Variants in FAM228B observed in about 807,000 individuals in gnomAD.
The protein encoded by FAM228B is family with sequence similarity 228 member B.
Under a neutral mutation model 42.6 loss-of-function variants are expected in FAM228B, and 38 were observed. The observed-to-expected ratio is 0.89, with a 90% CI of 0.69 to 1.17. The LOEUF (loss-of-function observed/expected upper bound fraction) is 1.17. FAM228B is among the 50% of genes most tolerant of loss of function. The probability of loss-of-function intolerance (pLI) is 0.00; values close to 1 mark genes in which losing one functional copy is unlikely to be tolerated. For synonymous variants in FAM228B, 109 were observed against 122.3 expected (o/e 0.89, Z 0.72); for missense variants, 344 against 367.3 (o/e 0.94, Z 0.52).
intron 5 of FAM228B, among the ~76,000 whole-genome samples, chr2:24,139,934 G>A (rs925853735): frequency 2.6e-5 from 4 of 152,000 alleles, no homozygotes; most frequent in African/African-American, 9.7e-5. Context: ...TCCCTCAATA[G>A]TTTATTATTT....
At chr2:24,104,365 C>G (rs1665665563) in intron 3 of FAM228B, among the ~76,000 whole-genome samples, 1 of 152,224 alleles carries the variant, frequency 6.6e-6, no homozygotes, top group South Asian at 2.1e-4. Flanking sequence ...AGCCTTGGGC[C>G]CTGGGGCAGA....
Position 24,080,765 on chromosome 2 carries a change from C to A in FAM228B, c.-289-111C>A, listed in dbSNP as rs776697223. 2 of 1,606,926 alleles carry A rather than the reference C, an allele frequency of 1.2e-6. No individual in the cohort carries two copies. Among genetic ancestry groups the A allele is most frequent in the African/African-American group, 1.3e-5 (1 of 74,592 alleles). On this transcript the variant is annotated intron_variant, in intron 1 of 10. Coordinates refer to the FAM228B transcript ENST00000613899. This position sits in a 1 kb window ranked among gnomAD's most constrained non-coding sequence, Gnocchi z 4.7. ...ACTGGCAACTTTGAGACTGGTGGGG[C>A]TTTTATTTAATCATCTCTTAAATTC...
intron 3 of FAM228B, among the ~76,000 whole-genome samples, chr2:24,104,276 C>CA (rs922569041): frequency 1.2e-4 from 19 of 152,198 alleles, no homozygotes; most frequent in African/African-American, 4.3e-4. Flanking sequence ...CACACCCACC[C>CA]ATCGTGTTTC....
intron 2 of FAM228B, among the ~76,000 whole-genome samples, chr2:24,130,692 A>G (rs1047753156): frequency 1.3e-5 from 2 of 151,544 alleles, no homozygotes; most frequent in Non-Finnish European, 2.9e-5. Flanking sequence ...TAGGTTCTGG[A>G]TATTAGAGCT....
intron 5 of FAM228B, among the ~76,000 whole-genome samples, chr2:24,140,220 A>C (rs1666711415): frequency 6.6e-6 from 1 of 152,194 alleles, no homozygotes; most frequent in South Asian, 2.1e-4. Flanking sequence ...TCTGTCACCC[A>C]GGCTGGAGTG....
intron 7 of FAM228B, among the ~76,000 whole-genome samples, chr2:24,160,130 C>A (rs1484074072): frequency 6.6e-6 from 1 of 151,974 alleles, no homozygotes; most frequent in Non-Finnish European, 1.5e-5. Context: ...GATGGGACTA[C>A]AGGCATGCAC....
chr2:24,121,174 A>G (rs1166467274), upstream of FAM228B: 1 of 1,613,992 alleles, frequency 6.2e-7, no homozygotes, highest in Non-Finnish European at 8.5e-7. Flanking sequence ...TTTTTGGCAT[A>G]AAGAGAATAT....
intron 3 of FAM228B, among the ~76,000 whole-genome samples, chr2:24,137,331 G>A (rs903495934): frequency 1.3e-5 from 2 of 152,084 alleles, no homozygotes; most frequent in Non-Finnish European, 2.9e-5. Context: ...TGGTAGGTCT[G>A]TTTAAATTTC....
chr2:24,160,227 C>A (rs1011172695), intron 7 of FAM228B, among the ~76,000 whole-genome samples: 1 of 152,020 alleles, frequency 6.6e-6, no homozygotes, highest in Admixed American at 6.6e-5. Flanking sequence ...TGGACTCAAG[C>A]AGTTTACCCA....
At chr2:24,123,907 C>A (rs1309644564) in intron 1 of FAM228B, among the ~76,000 whole-genome samples, 4 of 152,200 alleles carry the variant, frequency 2.6e-5, no homozygotes, top group Non-Finnish European at 4.4e-5. Flanking sequence ...AGCTCGAAGA[C>A]TCGCGCAGTA....
chr2:24,146,649 C>G (rs1558390053), intron 5 of FAM228B, 99 bp from the exon 6 acceptor site: 1 of 690,584 alleles, frequency 1.4e-6, no homozygotes, highest in Non-Finnish European at 2.4e-6. Flanking sequence ...TTTACCCTCC[C>G]GGCATAAGAG....
At position 24,112,026 on chromosome 2, in the gene FAM228B, A is replaced by G. The variant is rs140160125; in HGVS notation, c.-121+16797A>G. ...TCAGAGATACAAAGAATTATGTAAAAGTTCTAAACTGTAATATTACTTACA... is the reference window on the plus strand; with the variant it reads ...TCAGAGATACAAAGAATTATGTAAAGGTTCTAAACTGTAATATTACTTACA... On this transcript the variant is annotated intron_variant, in intron 3 of 10. Transcript: ENST00000613899. Among the ~76,000 whole-genome samples, 473 of 152,366 alleles carry G rather than the reference A, an allele frequency of 3.1e-3. 1 individual carries two copies. The highest frequency in any genetic ancestry group is 5.3e-3 in the Non-Finnish European group (361 of 68,034).
chr2:24,129,145 T>G (rs1666385367), intron 2 of FAM228B, among the ~76,000 whole-genome samples: 1 of 152,094 alleles, frequency 6.6e-6, no homozygotes, highest in South Asian at 2.1e-4. Flanking sequence ...CCTCTAGTAC[T>G]CTAACCTATG....
chr2:24,109,324 A>T, intron 3 of FAM228B, among the ~76,000 whole-genome samples: 1 of 152,192 alleles, frequency 6.6e-6, no homozygotes, highest in Non-Finnish European at 1.5e-5. Context: ...TATGTGTAAA[A>T]ACTCAAACTA....
At chr2:24,148,186 A>C (rs150970445) in intron 7 of FAM228B, among the ~76,000 whole-genome samples, 74 of 152,238 alleles carry the variant, frequency 4.9e-4, no homozygotes, top group African/African-American at 1.8e-3. Flanking sequence ...GTGGGGTGCC[A>C]GAGGGATTTT....
chr2:24,090,064 G>A (rs1020159165), intron 2 of FAM228B, among the ~76,000 whole-genome samples: 1 of 151,398 alleles, frequency 6.6e-6, no homozygotes, highest in Non-Finnish European at 1.5e-5. Context: ...ACGAGGTCAG[G>A]AGATGGAGAC....
At position 24,084,296 on chromosome 2, in the gene FAM228B, C is replaced by T; in HGVS notation, c.-210+3341C>T. 1 of 1,614,128 alleles carries T rather than the reference C, an allele frequency of 6.2e-7. No homozygotes were observed. The highest frequency in any genetic ancestry group is 2.2e-5 in the East Asian group (1 of 44,882). ...TCCTTCACGTAGAGGTTTTCCGGTC[C>T]TCCCGGCTTGTCAAAGTGCACGGCT... On this transcript the variant is annotated intron_variant, in intron 2 of 10. Transcript: ENST00000613899. This position sits in a 1 kb window ranked among gnomAD's most constrained non-coding sequence, Gnocchi z 8.4.
intron 3 of FAM228B, among the ~76,000 whole-genome samples, chr2:24,101,930 C>T (rs1208954968): frequency 6.6e-6 from 1 of 152,168 alleles, no homozygotes; most frequent in Non-Finnish European, 1.5e-5. Flanking sequence ...GATCTGCCCG[C>T]CTTGGCTTCC....
At chr2:24,094,908 C>T (rs950068599) in intron 2 of FAM228B, among the ~76,000 whole-genome samples, 3 of 152,158 alleles carry the variant, frequency 2.0e-5, no homozygotes, top group African/African-American at 7.2e-5. Context: ...GCCTGGCCAA[C>T]ATGGTGAAAC....
Sources: gnomAD v4.1 joint callset for allele counts (sites outside exome capture counted in the v4.1 genomes callset) on GRCh38, gnomAD v4.1.1 for gene constraint, Gnocchi (gnomAD v3.1) non-coding constraint, MANE v1.5 for transcripts, NCBI Gene and HGNC (gene_info 2026-07-23, HGNC 2026-07-21) for gene names.